The following CSMD1 variants were observed in gnomAD, a reference collection of about 807,000 sequenced individuals.
CSMD1 encodes CUB and Sushi multiple domains 1.
A neutral mutation model predicts 417.5 loss-of-function variants in CSMD1; 213 were observed. The ratio of observed to expected loss-of-function variants is 0.51; its 90% confidence interval spans 0.46 to 0.57. CSMD1 has a LOEUF of 0.57. Among genes scored for constraint, CSMD1 ranks in the 20% least tolerant of loss-of-function variants. The probability of loss-of-function intolerance (pLI) is 0.00; values close to 1 mark genes in which losing one functional copy is unlikely to be tolerated. For synonymous variants in CSMD1, 2,862 were observed against 1,736.8 expected, an observed-to-expected ratio of 1.65 and a Z score of -16.11; for missense variants, 6,923 against 4,529.7, an observed-to-expected ratio of 1.53 and a Z score of -15.17.
intron 10 of CSMD1, among the ~76,000 whole-genome samples, chr8:3,542,795 T>A (rs1211866837): frequency 6.6e-6 from 1 of 152,170 alleles, no homozygotes; most frequent in African/African-American, 2.4e-5. Flanking sequence ...GGACAGGATA[T>A]CCTTCGATGC....
chr8:4,552,153 T>C (rs958367451), intron 2 of CSMD1, among the ~76,000 whole-genome samples: 3 of 152,184 alleles, frequency 2.0e-5, no homozygotes, highest in Admixed American at 1.3e-4. Flanking sequence ...TGCATTGGGA[T>C]TTTAAACATC....
At chr8:4,169,974 C>G (rs1214784227) in intron 3 of CSMD1, among the ~76,000 whole-genome samples, 1 of 150,970 alleles carries the variant, frequency 6.6e-6, no homozygotes, top group East Asian at 1.9e-4. Context: ...CATACTGTAT[C>G]CTTTGTGCAT....
At chr8:4,406,356 A>G (rs1455055512) in intron 3 of CSMD1, among the ~76,000 whole-genome samples, 1 of 152,170 alleles carries the variant, frequency 6.6e-6, no homozygotes, top group Non-Finnish European at 1.5e-5. Flanking sequence ...AATTTAGGGA[A>G]AGAGAGATGA....
chr8:4,158,609 C>T (rs943039609), intron 3 of CSMD1, among the ~76,000 whole-genome samples: 1 of 152,030 alleles, frequency 6.6e-6, no homozygotes, highest in Non-Finnish European at 1.5e-5. Flanking sequence ...TTTTTCTGGC[C>T]CAGAAATGAT....
intron 11 of CSMD1, among the ~76,000 whole-genome samples, chr8:3,472,073 C>A (rs147422561): frequency 3.7e-4 from 56 of 152,206 alleles, no homozygotes; most frequent in African/African-American, 1.3e-3. Flanking sequence ...CCATCATCGT[C>A]CTCTCCCTTC....
chr8:3,532,380 G>C (rs747721086), intron 10 of CSMD1, among the ~76,000 whole-genome samples: 3 of 152,152 alleles, frequency 2.0e-5, no homozygotes, highest in Non-Finnish European at 4.4e-5. Context: ...GTGTGTGTAT[G>C]AGCGAGTGGT....
intron 4 of CSMD1, among the ~76,000 whole-genome samples, chr8:4,012,866 C>G (rs977345405): frequency 3.9e-5 from 6 of 152,144 alleles, no homozygotes; most frequent in Admixed American, 3.3e-4. Context: ...CATGACTCTT[C>G]TATGTCTCTC....
intron 11 of CSMD1, among the ~76,000 whole-genome samples, chr8:3,488,809 A>C (rs2117278957): frequency 6.6e-6 from 1 of 152,312 alleles, no homozygotes; most frequent in African/African-American, 2.4e-5. Flanking sequence ...TCAGGCTCAA[A>C]GGCAGTGCCA....
intron 1 of CSMD1, among the ~76,000 whole-genome samples, chr8:4,880,535 C>A (rs990211038): frequency 4.6e-5 from 7 of 152,022 alleles, no homozygotes; most frequent in African/African-American, 7.3e-5. Context: ...TCACCTTTTC[C>A]TTCGCCTCCT....
intron 1 of CSMD1, among the ~76,000 whole-genome samples, chr8:4,974,931 G>A (rs1293799941): frequency 2.6e-5 from 4 of 152,320 alleles, no homozygotes; most frequent in Admixed American, 2.6e-4. Flanking sequence ...GGTTTAAAGA[G>A]AGAGACAAAG....
At chr8:4,305,632 A>C (rs1285742265) in intron 3 of CSMD1, among the ~76,000 whole-genome samples, 3 of 152,216 alleles carry the variant, frequency 2.0e-5, no homozygotes, top group East Asian at 3.8e-4. Context: ...GTTTTAGCTG[A>C]AGGACTCAAA....
At chr8:2,970,876 C>T (rs898147097) in intron 57 of CSMD1, among the ~76,000 whole-genome samples, 4 of 152,194 alleles carry the variant, frequency 2.6e-5, no homozygotes, top group African/African-American at 7.2e-5. Flanking sequence ...TGTAACTCCA[C>T]ACTTTGTTAT....
intron 8 of CSMD1, among the ~76,000 whole-genome samples, chr8:3,592,174 A>G (rs2117030958): frequency 6.6e-6 from 1 of 152,294 alleles, no homozygotes; most frequent in South Asian, 2.1e-4. Context: ...TTAGGTAGAT[A>G]GATTGACAGA....
intron 3 of CSMD1, among the ~76,000 whole-genome samples, chr8:4,090,985 C>A (rs1458032902): frequency 6.6e-6 from 1 of 150,938 alleles, no homozygotes; most frequent in African/African-American, 2.4e-5. Flanking sequence ...GCGGTGCAAT[C>A]CTGGCTCACT....
In CSMD1 at chr8:3,290,844, C is replaced by T. The variant is rs183921670; in HGVS notation, c.3951-6498G>A. Among the ~76,000 whole-genome samples the T allele has an allele frequency of 1.2e-3, 179 of 150,846 alleles. 1 individual carries two copies. The highest frequency in any genetic ancestry group is 3.0e-3 in the African/African-American group (122 of 40,294). ...CTTTCTCGTGCCTAATTGCCCTGGC[C>T]GGAACTTCCAACACTATATTGAATA... On this transcript the variant is annotated intron_variant, in intron 25 of 69. Transcript: ENST00000635120.
chr8:4,836,128 G>T (rs2407666), intron 1 of CSMD1, among the ~76,000 whole-genome samples: 132,261 of 152,078 alleles, frequency 0.87, 58,763 homozygotes, highest in East Asian at 0.98. Flanking sequence ...TTTCCAATTT[G>T]AAATATAGGT....
intron 3 of CSMD1, among the ~76,000 whole-genome samples, chr8:4,295,663 A>G (rs1034263778): frequency 4.4e-4 from 63 of 144,490 alleles, no homozygotes; most frequent in Non-Finnish European, 6.8e-4. Flanking sequence ...TATAATCTTA[A>G]GATTACATAT....
intron 12 of CSMD1, among the ~76,000 whole-genome samples, chr8:3,411,845 TGCAC>T (rs1812753873): frequency 2.3e-5 from 2 of 87,614 alleles, no homozygotes; most frequent in Non-Finnish European, 5.2e-5. Flanking sequence ...CACGTATATA[TGCAC>T]GTATATATGC....
chr8:4,946,204 T>C (rs907097822), intron 1 of CSMD1, among the ~76,000 whole-genome samples: 1 of 152,206 alleles, frequency 6.6e-6, no homozygotes, highest in African/African-American at 2.4e-5. Flanking sequence ...CTCAACATAC[T>C]TAATTTATGG....
Sources: allele counts gnomAD v4.1 joint callset (sites outside exome capture counted in the v4.1 genomes callset), GRCh38; gene constraint gnomAD v4.1.1; transcripts MANE v1.5; gene names NCBI Gene and HGNC (gene_info 2026-07-23, HGNC 2026-07-21).